DNAAF9: variants seen among roughly 807,000 people sequenced by gnomAD.
DNAAF9 encodes dynein axonemal assembly factor 9, also known as shulin.
A neutral mutation model predicts 167.0 loss-of-function variants in DNAAF9; 90 were observed. The observed-to-expected ratio is 0.54, with a 90% CI of 0.45 to 0.64. DNAAF9 has a LOEUF of 0.64. Among genes scored for constraint, DNAAF9 ranks in the 30% least tolerant of loss-of-function variants. The pLI is 0.00. For missense variants in DNAAF9, 1,315 were observed against 1,442.2 expected, an observed-to-expected ratio of 0.91 and a Z score of 1.43; for synonymous variants, 491 against 508.8, an observed-to-expected ratio of 0.96 and a Z score of 0.47.
At chr20:3,320,281 T>C (rs1196351030) in intron 16 of DNAAF9, among the ~76,000 whole-genome samples, 2 of 152,196 alleles carry the variant, frequency 1.3e-5, no homozygotes, top group African/African-American at 4.8e-5. Flanking sequence ...TAGTACAAAC[T>C]GCAACTGCAA....
chr20:3,322,681 A>G lies in DNAAF9; in HGVS notation c.1281T>C (p.Phe427=), dbSNP rs1021210287. The G allele has an allele frequency of 4.8e-5, 78 of 1,613,084 alleles. No individual in the cohort carries two copies. Among genetic ancestry groups the G allele is most frequent in the Non-Finnish European group, 6.2e-5 (73 of 1,179,108 alleles). The part of the protein sequence containing the change: ...FKAALRSKMT[F]HIHAVNNQGR... ...CCTGATTATTCACAGCATGTATATG[A>G]AAAGTCATCTTGGAGCTGTAGACCA... Residue 427 remains phenylalanine (F), a synonymous_variant, in exon 15 of 37, where the codon TTT becomes TTC. Coordinates refer to ENST00000252032, the MANE Select transcript of DNAAF9 (RefSeq NM_001009984.3).
intron 16 of DNAAF9, among the ~76,000 whole-genome samples, chr20:3,320,121 C>T (rs772091958): frequency 4.6e-4 from 70 of 152,028 alleles, no homozygotes; most frequent in African/African-American, 1.5e-3. Flanking sequence ...CCATGTGGCA[C>T]GGGGAAAGAA....
chr20:3,324,125 T>A (rs1351535226), intron 14 of DNAAF9, among the ~76,000 whole-genome samples: 1 of 152,202 alleles, frequency 6.6e-6, no homozygotes, highest in Non-Finnish European at 1.5e-5. Flanking sequence ...TGGCTCTTTC[T>A]TCCACTCCTG....
At position 3,259,473 on chromosome 20, in the gene DNAAF9, T is replaced by C; in HGVS notation, c.3055+7A>G. On this transcript the variant is annotated splice_region_variant and intron_variant, in intron 33 of 36. Transcript: ENST00000252032. ...TGTAGAGCTCCCAAATCCCAGCCCCTGGTTACCTGAAAACTTCACTTTGCC... is the reference window on the plus strand; with the variant it reads ...TGTAGAGCTCCCAAATCCCAGCCCCCGGTTACCTGAAAACTTCACTTTGCC... The C allele has an allele frequency of 1.4e-6, 2 of 1,422,608 alleles. No individual in the cohort carries two copies. Among genetic ancestry groups the C allele is most frequent in the Non-Finnish European group, 1.9e-6 (2 of 1,066,338 alleles). 88.1% of individuals were successfully genotyped at this position (1,422,608 alleles called of 1,614,324 possible).
chr20:3,276,950 A>G (rs548164823), intron 29 of DNAAF9, among the ~76,000 whole-genome samples: 3 of 151,970 alleles, frequency 2.0e-5, no homozygotes, highest in Admixed American at 6.6e-5. Flanking sequence ...TGGGCTCTGG[A>G]CCCTACCCCT....
chr20:3,307,527 A>G (rs1261168567), intron 20 of DNAAF9, among the ~76,000 whole-genome samples: 1 of 152,054 alleles, frequency 6.6e-6, no homozygotes, highest in Non-Finnish European at 1.5e-5. Context: ...ATACCTTTGC[A>G]GGGGTTCACA....
chr20:3,315,690 A>AT lies in DNAAF9; in HGVS notation c.1590+44dup, dbSNP rs759027279. The AT allele has an allele frequency of 1.4e-6, 2 of 1,465,632 alleles. No homozygotes were observed. The highest frequency in any genetic ancestry group is 4.5e-5 in the East Asian group (2 of 44,222). The allele number at this position is 1,465,632 out of a possible 1,614,324, so 90.8% of individuals were successfully genotyped here. ...AATACCTTTATGAATTGCTTACATT[A>AT]TTTTTTGATATAATGTTCACACTGA... is the stretch of plus-strand genomic sequence containing the variant. On this transcript the variant is annotated intron_variant, in intron 19 of 36. Coordinates refer to ENST00000252032, the MANE Select transcript of DNAAF9 (RefSeq NM_001009984.3). The surrounding 1 kb of genome is among the most constrained non-coding windows in gnomAD (Gnocchi z 4.1).
intron 1 of DNAAF9, among the ~76,000 whole-genome samples, chr20:3,386,570 T>C (rs957362969): frequency 6.6e-6 from 1 of 152,146 alleles, no homozygotes; most frequent in African/African-American, 2.4e-5. Flanking sequence ...GTTCTTACAC[T>C]TGACACCAAA....
intron 20 of DNAAF9, among the ~76,000 whole-genome samples, chr20:3,308,438 G>A (rs1362703594): frequency 2.0e-5 from 3 of 150,344 alleles, no homozygotes; most frequent in Admixed American, 6.6e-5. Flanking sequence ...CGCCTCCCAG[G>A]TTCAAGTGAT....
chr20:3,290,491 G>C (rs924002375), intron 25 of DNAAF9, among the ~76,000 whole-genome samples: 1 of 152,192 alleles, frequency 6.6e-6, no homozygotes, highest in Non-Finnish European at 1.5e-5. Flanking sequence ...TTTTACTAGA[G>C]TAGTAACACT....
intron 35 of DNAAF9, among the ~76,000 whole-genome samples, chr20:3,254,101 T>TA (rs1444806500): frequency 1.3e-5 from 2 of 152,082 alleles, no homozygotes; most frequent in Non-Finnish European, 2.9e-5. Flanking sequence ...TTTTTTGAGA[T>TA]AGAGTCTTGC....
At chr20:3,314,027 T>C (rs963861039) in intron 20 of DNAAF9, among the ~76,000 whole-genome samples, 3 of 152,204 alleles carry the variant, frequency 2.0e-5, no homozygotes, top group Admixed American at 2.0e-4. Flanking sequence ...TTTTCCTCTT[T>C]GTGAACCTGA....
intron 1 of DNAAF9, among the ~76,000 whole-genome samples, chr20:3,398,373 A>G (rs975434856): frequency 1.3e-5 from 2 of 152,170 alleles, no homozygotes; most frequent in Non-Finnish European, 2.9e-5. Context: ...AAGCCAATAC[A>G]TTCCATTTTT....
At chr20:3,343,519 T>C (rs2070127748) in intron 9 of DNAAF9, among the ~76,000 whole-genome samples, 157 bp downstream of exon 9, 1 of 152,156 alleles carries the variant, frequency 6.6e-6, no homozygotes, top group Admixed American at 6.6e-5. Flanking sequence ...ACAGACACAT[T>C]TACAGAGTAC....
rs906213022 is a variant in DNAAF9, at chr20:3,268,767, CA to C, written c.2786+1659del. Among the ~76,000 whole-genome samples the C allele has an allele frequency of 2.6e-5, 4 of 152,068 alleles. No individual in the cohort carries two copies. In the East Asian group the frequency reaches 5.8e-4, roughly 22 times the overall value. On this transcript the variant is annotated intron_variant, in intron 30 of 36. Coordinates refer to ENST00000252032, the MANE Select transcript of DNAAF9 (RefSeq NM_001009984.3). ...TAACCTTTTATCTGAATTGAGCAAACAAAACAGCTATATAACCAGGTGTTTT... is the reference window on the plus strand; with the variant it reads ...TAACCTTTTATCTGAATTGAGCAAACAAACAGCTATATAACCAGGTGTTTT...
chr20:3,401,661 T>C (rs937534742), intron 1 of DNAAF9, among the ~76,000 whole-genome samples: 6 of 152,200 alleles, frequency 3.9e-5, no homozygotes, highest in African/African-American at 1.4e-4. Flanking sequence ...TAGCAGTTCA[T>C]ACTCAGCGAG....
chr20:3,292,373 A>G (rs1317352369), intron 25 of DNAAF9, among the ~76,000 whole-genome samples: 1 of 152,238 alleles, frequency 6.6e-6, no homozygotes, highest in African/African-American at 2.4e-5. Context: ...CCTAAGGGAA[A>G]AAATGACGTT....
At chr20:3,350,241 A>T (rs2070294909) in intron 7 of DNAAF9, among the ~76,000 whole-genome samples, 1 of 151,292 alleles carries the variant, frequency 6.6e-6, no homozygotes, top group South Asian at 2.1e-4. Flanking sequence ...GCACTTTGGG[A>T]GGCTGAGGGG....
intron 28 of DNAAF9, among the ~76,000 whole-genome samples, chr20:3,279,534 CAT>C (rs1157688252): frequency 3.9e-5 from 6 of 152,180 alleles, no homozygotes; most frequent in African/African-American, 1.4e-4. Context: ...GAGAAAAACT[CAT>C]ATTCTCACAG....
Sources: allele counts gnomAD v4.1 joint callset (sites outside exome capture counted in the v4.1 genomes callset), GRCh38; gene constraint gnomAD v4.1.1; non-coding constraint Gnocchi (gnomAD v3.1); transcripts MANE v1.5; gene names NCBI Gene and HGNC (gene_info 2026-07-23, HGNC 2026-07-21).